Variants in UBR1 observed in about 807,000 individuals in gnomAD.
UBR1 encodes the protein ubiquitin protein ligase E3 component n-recognin 1.
Under a neutral mutation model 242.1 loss-of-function variants are expected in UBR1, and 102 were observed. The observed-to-expected ratio is 0.42, with a 90% CI of 0.36 to 0.50. UBR1 has a LOEUF of 0.50. UBR1 is among the 20% of genes least tolerant of loss of function. UBR1 has a pLI of 0.01. For synonymous variants in UBR1, 675 were observed against 684.8 expected (o/e 0.99, Z 0.22); for missense variants, 1,772 against 2,101.8 (o/e 0.84, Z 3.07).
intron 16 of UBR1, 81 bp from the exon 17 acceptor site, chr15:43,037,964 GT>G: frequency 7.3e-7 from 1 of 1,376,338 alleles, no homozygotes; most frequent in Non-Finnish European, 1.0e-6. Flanking sequence ...ATATTCTTCA[GT>G]TTTCTCACGT....
intron 1 of UBR1, among the ~76,000 whole-genome samples, chr15:43,094,632 C>G (rs538433226): frequency 2.0e-4 from 30 of 152,208 alleles, no homozygotes; most frequent in African/African-American, 7.0e-4. Context: ...ACAACTAAAA[C>G]CCTTAGATCA....
intron 9 of UBR1, 56 bp from the exon 10 acceptor site, chr15:43,058,485 C>A: frequency 1.6e-5 from 20 of 1,234,662 alleles, no homozygotes; most frequent in Non-Finnish European, 2.0e-5. Context: ...AGGCAAAAAC[C>A]AAAAACATTC....
At chr15:43,076,392 C>G (rs1444843206) in intron 3 of UBR1, among the ~76,000 whole-genome samples, 2 of 152,098 alleles carry the variant, frequency 1.3e-5, no homozygotes, top group Non-Finnish European at 2.9e-5. Flanking sequence ...AGCCTCTGCA[C>G]GGCCGCCACC....
At chr15:43,005,710 T>C (rs919190087) in intron 30 of UBR1, among the ~76,000 whole-genome samples, 5 of 152,146 alleles carry the variant, frequency 3.3e-5, no homozygotes, top group Admixed American at 2.0e-4. Flanking sequence ...TAGAAAGAAG[T>C]AGACATGGGA....
chr15:43,069,616 T>G, intron 5 of UBR1, among the ~76,000 whole-genome samples: 1 of 152,218 alleles, frequency 6.6e-6, no homozygotes, highest in East Asian at 1.9e-4. Flanking sequence ...ACTTTTACAA[T>G]ACGCTCAATT....
At chr15:43,105,132 GACAA>G (rs2034281970) in intron 1 of UBR1, among the ~76,000 whole-genome samples, 1 of 152,126 alleles carries the variant, frequency 6.6e-6, no homozygotes, top group Non-Finnish European at 1.5e-5. Context: ...TATTTAGAAA[GACAA>G]ACTAATAAAA....
chr15:42,993,962 C>T (rs896599657), intron 33 of UBR1, among the ~76,000 whole-genome samples: 3 of 152,088 alleles, frequency 2.0e-5, no homozygotes, highest in African/African-American at 7.2e-5. Context: ...GGGCTATGAG[C>T]TGTCTTCTAA....
intron 32 of UBR1, among the ~76,000 whole-genome samples, chr15:42,999,917 T>C (rs2032697497): frequency 1.3e-5 from 2 of 152,214 alleles, no homozygotes; most frequent in East Asian, 1.9e-4. Context: ...GTAAAATATA[T>C]AATGAACTGT....
chr15:42,975,981 G>A (rs1019599342), intron 39 of UBR1, among the ~76,000 whole-genome samples: 1 of 152,262 alleles, frequency 6.6e-6, no homozygotes, highest in East Asian at 1.9e-4. Flanking sequence ...GCCTCCCAAA[G>A]TACTGGGATT....
chr15:43,081,417 CAAAAAAAA>C (rs71108197), intron 3 of UBR1, among the ~76,000 whole-genome samples: 70 of 69,716 alleles, frequency 1.0e-3, no homozygotes, highest in East Asian at 2.8e-3. Context: ...CACCCCATCT[CAAAAAAAA>C]AAAAAAAAAA....
intron 1 of UBR1, among the ~76,000 whole-genome samples, chr15:43,096,237 G>T (rs890511880): frequency 6.6e-6 from 1 of 150,726 alleles, no homozygotes; most frequent in South Asian, 2.1e-4. Flanking sequence ...GCAGTGGCAC[G>T]ATCTGGGCTC....
chr15:43,005,625 C>CTCA (rs1567122539), intron 30 of UBR1, among the ~76,000 whole-genome samples: 2 of 152,164 alleles, frequency 1.3e-5, no homozygotes, highest in African/African-American at 4.8e-5. Flanking sequence ...GCCATGATGA[C>CTCA]GATGGCGGTT....
intron 6 of UBR1, among the ~76,000 whole-genome samples, 156 bp downstream of exon 6, chr15:43,067,742 C>T (rs987174037): frequency 1.6e-4 from 24 of 152,190 alleles, no homozygotes; most frequent in African/African-American, 5.5e-4. Context: ...ATGATATACA[C>T]ACAAAACTGA....
In UBR1 at chr15:43,086,252, G is replaced by C. The variant is rs758755036; in HGVS notation, c.82-12C>G. ...TGCTGATCCCACCACTAAAAGAAAA[G>C]AAGATGAAAATTAGACTGACTTACA... On this transcript the variant is annotated splice_polypyrimidine_tract_variant and intron_variant, in intron 1 of 46. Transcript: ENST00000290650. 1.2e-6 allele frequency: 2 copies of C among 1,613,272 alleles called. No individual in the cohort carries two copies. Among genetic ancestry groups the C allele is most frequent in the East Asian group, 4.5e-5 (2 of 44,868 alleles).
At position 43,024,842 on chromosome 15, in the gene UBR1, C is replaced by T. The variant is rs370452802; in HGVS notation, c.2726G>A (p.Gly909Glu). 12 of 1,613,958 alleles carry T rather than the reference C, an allele frequency of 7.4e-6. No homozygotes were observed. The African/African-American group carries it at 1.5e-4, about 20-fold the overall frequency. The change falls in exon 25 of 47, where the codon GGG becomes GAG. Residue 909 changes from glycine to glutamate, a missense_variant. Around this residue, in one of 3 missense-constraint regions of UBR1, gnomAD observed 965 missense variants for 1,079.7 expected, o/e 0.89. Transcript: ENST00000290650. Reference protein sequence around the residue: ...IDTDSNLWTEGMLQMAFHILA... With the variant: ...IDTDSNLWTEEMLQMAFHILA... Reference sequence around the variant, plus strand: ...AGGTAAACAAACCATTTGGAGCATCCCTTCGGTCCACAAGTTAGAATCTGT... The same window carrying T: ...AGGTAAACAAACCATTTGGAGCATCTCTTCGGTCCACAAGTTAGAATCTGT...
rs148254554 is a variant in UBR1, at chr15:43,058,356, A to G, written c.1167T>C (p.Ala389=). 2 of 1,606,942 alleles carry G rather than the reference A, an allele frequency of 1.2e-6. No individual in the cohort carries two copies. Among genetic ancestry groups the G allele is most frequent in the African/African-American group, 2.7e-5 (2 of 74,798 alleles). Residue 389 remains alanine, a synonymous_variant, in exon 10 of 47, where the codon GCT becomes GCC. Coordinates refer to ENST00000290650, the MANE Select transcript of UBR1 (RefSeq NM_174916.3). ...FMEMEYKKLF[A]MEFVKYYKQL... Reference sequence around the variant, plus strand: ...AAATAATTACCTTCACAAATTCCATAGCAAAGAGTTTTTTGTATTCCATCT... The same window carrying G: ...AAATAATTACCTTCACAAATTCCATGGCAAAGAGTTTTTTGTATTCCATCT...
At chr15:43,049,290 T>C (rs1217391089) in intron 12 of UBR1, among the ~76,000 whole-genome samples, 1 of 152,054 alleles carries the variant, frequency 6.6e-6, no homozygotes, top group Non-Finnish European at 1.5e-5. Context: ...AAAGAGGTAA[T>C]GTATGGCTCA....
intron 44 of UBR1, 24 bp from the exon 45 acceptor site, chr15:42,952,472 G>C (rs377483942): frequency 1.2e-6 from 2 of 1,613,684 alleles, no homozygotes; most frequent in African/African-American, 2.7e-5. Flanking sequence ...AAAACATTTA[G>C]AGAATGATGG....
chr15:43,016,398 C>T (rs896017612), intron 28 of UBR1, among the ~76,000 whole-genome samples: 20 of 152,038 alleles, frequency 1.3e-4, no homozygotes, highest in Non-Finnish European at 2.9e-5. Flanking sequence ...ATTTTAGAAT[C>T]ATCAAAACCT....
Sources: allele counts gnomAD v4.1 joint callset (sites outside exome capture counted in the v4.1 genomes callset), GRCh38; gene constraint gnomAD v4.1.1; regional missense constraint gnomAD v4.1.1; transcripts MANE v1.5; gene names NCBI Gene and HGNC (gene_info 2026-07-23, HGNC 2026-07-21).